ZC3H7B: variants seen among roughly 807,000 people sequenced by gnomAD.
The protein encoded by ZC3H7B is zinc finger CCCH-type containing 7B.
A neutral mutation model predicts 116.0 loss-of-function variants in ZC3H7B; 35 were observed. That is an observed-to-expected ratio of 0.30 (90% CI 0.23 to 0.40). ZC3H7B has a LOEUF of 0.40. Among genes scored for constraint, ZC3H7B ranks in the 10% least tolerant of loss-of-function variants. The pLI is 1.00. For missense variants in ZC3H7B, 1,011 were observed against 1,321.5 expected, an observed-to-expected ratio of 0.77 and a Z score of 3.64; for synonymous variants, 502 against 545.6, an observed-to-expected ratio of 0.92 and a Z score of 1.11.
intron 13 of ZC3H7B, among the ~76,000 whole-genome samples, chr22:41,344,594 C>T (rs1163537673): frequency 6.6e-6 from 1 of 152,182 alleles, no homozygotes; most frequent in African/African-American, 2.4e-5. Context: ...TGCAATCACC[C>T]CCACTCCCAC....
chr22:41,306,965 G>T (rs1323217029), intron 1 of ZC3H7B, among the ~76,000 whole-genome samples: 2 of 147,720 alleles, frequency 1.4e-5, no homozygotes, highest in Non-Finnish European at 3.0e-5. Flanking sequence ...ACAGAGGTCA[G>T]CTCCTTTCTT....
chr22:41,329,730 G>T (rs1263981714), intron 5 of ZC3H7B, among the ~76,000 whole-genome samples: 1 of 152,160 alleles, frequency 6.6e-6, no homozygotes, highest in South Asian at 2.1e-4. Context: ...CAGTGACATT[G>T]TCACTTTTGC....
intron 6 of ZC3H7B, among the ~76,000 whole-genome samples, chr22:41,331,188 G>A (rs2036378090): frequency 6.7e-6 from 1 of 148,496 alleles, no homozygotes; most frequent in Admixed American, 6.7e-5. Context: ...GGCGGAGGTT[G>A]CGGTGAGCCA....
intron 7 of ZC3H7B, chr22:41,335,091 GC>G (rs2036426515): frequency 1.3e-5 from 2 of 152,400 alleles, no homozygotes; most frequent in Non-Finnish European, 2.9e-5. Flanking sequence ...CAGGAGCACA[GC>G]CTGCACAAAG....
At chr22:41,323,086 C>T (rs914326045) in intron 2 of ZC3H7B, among the ~76,000 whole-genome samples, 6 of 152,226 alleles carry the variant, frequency 3.9e-5, no homozygotes, top group African/African-American at 1.2e-4. Context: ...CTGGCCGCTT[C>T]TGGAGGGTGT....
chr22:41,319,099 T>C (rs1052390204), intron 1 of ZC3H7B, among the ~76,000 whole-genome samples: 1 of 152,060 alleles, frequency 6.6e-6, no homozygotes, highest in African/African-American at 2.4e-5. Flanking sequence ...TGAAACCCCA[T>C]CTGTACTAAA....
At position 41,357,363 on chromosome 22, in the gene ZC3H7B, C is replaced by G. The variant is rs749928296; in HGVS notation, c.2868C>G (p.Asp956Glu). 6.2e-7 allele frequency: 1 copy of G among 1,613,358 alleles called. No homozygotes were observed. The highest frequency in any genetic ancestry group is 1.7e-5 in the Admixed American group (1 of 60,024). Residue 956 changes from aspartate (D) to glutamate (E), a missense_variant, in exon 23 of 23, where the codon GAC (aspartate) becomes GAG (glutamate). Transcript: ENST00000352645. The surrounding 1 kb of genome is among the most constrained non-coding windows in gnomAD (Gnocchi z 5.4). ...AATACAACTTCCTGCTGCAAGAGGA[C>G]GGGGACCTTGCCGGTGCCACCCCAG... is the stretch of plus-strand genomic sequence containing the variant. ...FGKYNFLLQE[D>E]GDLAGATPEA...
Position 41,357,366 on chromosome 22 carries a change from G to T in ZC3H7B, c.2871G>T (p.Gly957=). The change falls in exon 23 of 23, where the codon GGG becomes GGT. Residue 957 remains glycine (G), a synonymous_variant. Coordinates refer to ENST00000352645, the MANE Select transcript of ZC3H7B (RefSeq NM_017590.6). This position sits in a 1 kb window ranked among gnomAD's most constrained non-coding sequence, Gnocchi z 5.4. The part of the protein sequence containing the change: ...GKYNFLLQED[G]DLAGATPEAP... ...ACAACTTCCTGCTGCAAGAGGACGG[G>T]GACCTTGCCGGTGCCACCCCAGAAG... 1 of 1,613,382 alleles carries T rather than the reference G, an allele frequency of 6.2e-7. No individual in the cohort carries two copies.
chr22:41,305,308 A>G (rs574864036), intron 1 of ZC3H7B, among the ~76,000 whole-genome samples: 59 of 149,714 alleles, frequency 3.9e-4, no homozygotes, highest in Non-Finnish European at 5.9e-4. Context: ...GCTCCACTGC[A>G]CTCCAGCCTG....
intron 1 of ZC3H7B, among the ~76,000 whole-genome samples, chr22:41,317,377 A>G (rs2036198262): frequency 6.6e-6 from 1 of 152,166 alleles, no homozygotes; most frequent in African/African-American, 2.4e-5. Flanking sequence ...ATATTGAATC[A>G]TAACCTGATT....
At position 41,358,713 on chromosome 22, in the gene ZC3H7B, C is replaced by T. The variant is rs553099886; in HGVS notation, c.*1284C>T. ...GTCTGGGACTTCAGTGGACCCCCAG[C>T]CCCTGCCCCCACTCACCAAGGCCTC... On this transcript the variant is annotated 3_prime_UTR_variant, in exon 23 of 23. Transcript: ENST00000352645. The T allele has an allele frequency of 8.0e-4, 126 of 157,196 alleles. No homozygotes were observed. The Middle Eastern group carries it at 0.022, about 27-fold the overall frequency. The allele number at this position is 157,196 out of a possible 1,614,324, so 9.7% of individuals were successfully genotyped here.
At chr22:41,336,635 C>T (rs2036451709) in intron 7 of ZC3H7B, 1 of 151,760 alleles carries the variant, frequency 6.6e-6, no homozygotes, top group African/African-American at 2.4e-5. Flanking sequence ...TGCACTCCAG[C>T]CTGGGCTACA....
intron 7 of ZC3H7B, chr22:41,335,563 C>T (rs574661553): frequency 6.6e-6 from 1 of 152,298 alleles, no homozygotes; most frequent in East Asian, 1.9e-4. Flanking sequence ...TCATCTGGTA[C>T]CTCTCTTTCC....
intron 1 of ZC3H7B, among the ~76,000 whole-genome samples, chr22:41,316,488 G>T (rs923861543): frequency 1.2e-4 from 18 of 150,690 alleles, no homozygotes; most frequent in Admixed American, 1.1e-3. Context: ...TAGAGACAGG[G>T]TTTCACCATG....
intron 17 of ZC3H7B, among the ~76,000 whole-genome samples, chr22:41,354,577 T>A (rs1315269300): frequency 1.3e-5 from 2 of 152,060 alleles, no homozygotes; most frequent in African/African-American, 4.8e-5. Flanking sequence ...GGGGTGACCC[T>A]GCACTCGAGG....
Position 41,338,285 on chromosome 22 carries a change from C to T in ZC3H7B, c.583-28C>T, listed in dbSNP as rs1167734067. The T allele has an allele frequency of 6.2e-7, 1 of 1,608,640 alleles. No individual in the cohort carries two copies. On this transcript the variant is annotated intron_variant, in intron 7 of 22. Coordinates refer to ENST00000352645, the MANE Select transcript of ZC3H7B (RefSeq NM_017590.6). The surrounding 1 kb of genome is among the most constrained non-coding windows in gnomAD (Gnocchi z 4.5). ...GCTGGGATCGGGGCCTTCCCAGCCA[C>T]AGCGCCACTGTGGCCCTCTCCCCAC...
intron 13 of ZC3H7B, among the ~76,000 whole-genome samples, chr22:41,344,215 G>A (rs551431106): frequency 1.2e-4 from 18 of 152,278 alleles, no homozygotes; most frequent in African/African-American, 3.6e-4. Flanking sequence ...AGGAGGAAAC[G>A]GAGGCTTTGA....
At position 41,338,750 on chromosome 22, in the gene ZC3H7B, AT is replaced by A. The variant is rs1486083822; in HGVS notation, c.626-248del. On this transcript the variant is annotated intron_variant, in intron 8 of 22. Transcript: ENST00000352645. The surrounding 1 kb of genome is among the most constrained non-coding windows in gnomAD (Gnocchi z 4.5). ...GAAGAAGGAGGCAGCAGTGGTGGACATTTAGGCATTGAGCCTGGGCCAAGGA... is the reference window on the plus strand; with the variant it reads ...GAAGAAGGAGGCAGCAGTGGTGGACATTAGGCATTGAGCCTGGGCCAAGGA... Among the ~76,000 whole-genome samples, 1 of 152,122 alleles carries A rather than the reference AT, an allele frequency of 6.6e-6. No individual in the cohort carries two copies. Among genetic ancestry groups the A allele is most frequent in the Non-Finnish European group, 1.5e-5 (1 of 68,010 alleles).
chr22:41,343,916 G>A (rs560482237), intron 13 of ZC3H7B, among the ~76,000 whole-genome samples: 7 of 152,308 alleles, frequency 4.6e-5, no homozygotes, highest in South Asian at 2.1e-4. Flanking sequence ...CTGAGGGGCC[G>A]CGGGGCAGTG....
Sources: allele counts gnomAD v4.1 joint callset (sites outside exome capture counted in the v4.1 genomes callset), GRCh38; gene constraint gnomAD v4.1.1; non-coding constraint Gnocchi (gnomAD v3.1); transcripts MANE v1.5; gene names NCBI Gene and HGNC (gene_info 2026-07-23, HGNC 2026-07-21).